Variants in UNC80 observed in about 807,000 individuals in gnomAD.
UNC80 encodes the protein unc-80 subunit of NALCN channel complex.
In UNC80, 164 loss-of-function variants were observed where a neutral mutation model predicts 384.6. The ratio of observed to expected loss-of-function variants is 0.43; its 90% CI spans 0.38 to 0.49. UNC80 has a LOEUF of 0.49. Ranked by LOEUF, UNC80 falls within the 20% of genes least tolerant of loss-of-function variation. The pLI, the probability that UNC80 is intolerant of heterozygous loss-of-function variation, is 0.00. For missense variants in UNC80, 3,330 were observed against 4,143.0 expected (o/e 0.80, Z 5.39); for synonymous variants, 1,486 against 1,527.8 (o/e 0.97, Z 0.64).
intron 6 of UNC80, among the ~76,000 whole-genome samples, chr2:209,790,060 C>G (rs1028646101): frequency 7.9e-5 from 12 of 151,688 alleles, no homozygotes; most frequent in Non-Finnish European, 1.5e-5. Flanking sequence ...TAGTCCTACC[C>G]CTTAAGGAAT....
intron 22 of UNC80, among the ~76,000 whole-genome samples, chr2:209,855,675 T>C (rs1230267323): frequency 6.6e-6 from 1 of 152,190 alleles, no homozygotes. Context: ...CACATTGGTA[T>C]GTGTCTTTAG....
chr2:209,993,112 A>G (rs2093421686), intron 62 of UNC80, among the ~76,000 whole-genome samples: 1 of 152,376 alleles, frequency 6.6e-6, no homozygotes, highest in South Asian at 2.1e-4. Flanking sequence ...CTTGGCATAT[A>G]TAAAGGACTA....
rs1179236349 is a variant in UNC80, at chr2:209,995,818, C to T, written c.*223C>T. The T allele has an allele frequency of 1.9e-6, 1 of 519,798 alleles. No homozygotes were observed. Among genetic ancestry groups the T allele is most frequent in the Non-Finnish European group, 3.4e-6 (1 of 297,690 alleles). 32.2% of individuals were successfully genotyped at this position (519,798 alleles called of 1,614,324 possible). On this transcript the variant is annotated 3_prime_UTR_variant, in exon 65 of 65. Coordinates refer to ENST00000673920, the MANE Select transcript of UNC80 (RefSeq NM_001371986.1). The stretch of plus-strand genomic sequence containing the variant: ...TTTAGTTGTGTGAAAATCACAAAAC[C>T]AGGGAGGAATAAGGGGAAAGAGCCA...
chr2:209,926,700 C>A, intron 35 of UNC80, 143 bp from the exon 36 acceptor site: 1 of 997,092 alleles, frequency 1.0e-6, no homozygotes, highest in Non-Finnish European at 1.5e-6. Context: ...CTCTTGAGCC[C>A]AAGAAGTCGA....
chr2:209,906,963 C>T (rs566982216), intron 29 of UNC80, among the ~76,000 whole-genome samples: 32 of 152,222 alleles, frequency 2.1e-4, no homozygotes, highest in African/African-American at 7.2e-4. Context: ...TTTCTTACTG[C>T]TATATTTTTT....
intron 30 of UNC80, among the ~76,000 whole-genome samples, chr2:209,913,574 G>A (rs1201179675): frequency 6.6e-6 from 1 of 152,002 alleles, no homozygotes; most frequent in Non-Finnish European, 1.5e-5. Context: ...GCAATTTTGT[G>A]GTGAAAACGT....
At chr2:209,795,929 T>C (rs1419590333) in intron 7 of UNC80, 3 of 151,818 alleles carry the variant, frequency 2.0e-5, no homozygotes, top group Admixed American at 2.0e-4. Context: ...CCACACAGAG[T>C]CCCTAATGGA....
chr2:209,829,806 G>A (rs2080819927), intron 15 of UNC80, among the ~76,000 whole-genome samples: 1 of 152,164 alleles, frequency 6.6e-6, no homozygotes, highest in Admixed American at 6.5e-5. Flanking sequence ...TTTTCACAAA[G>A]TAAAATGGGA....
rs944424466 is a variant in UNC80 at position 209,863,332 on chromosome 2, A to C, written c.3628-9426A>C. ...TGTCTTGAGGTTGATCTTCTCATGG[A>C]ATATCTTAATGGTGTTCTCTGTATT... On this transcript the variant is annotated intron_variant, in intron 22 of 64. Coordinates refer to ENST00000673920, the MANE Select transcript of UNC80 (RefSeq NM_001371986.1). Among the ~76,000 whole-genome samples the C allele has an allele frequency of 3.9e-4, 59 of 152,110 alleles. 1 individual carries two copies. Among genetic ancestry groups the C allele is most frequent in the African/African-American group, 1.4e-3 (59 of 41,510 alleles).
intron 60 of UNC80, among the ~76,000 whole-genome samples, chr2:209,983,675 A>C (rs958294029): frequency 6.6e-6 from 1 of 152,210 alleles, no homozygotes; most frequent in African/African-American, 2.4e-5. Flanking sequence ...ATAGAATTGT[A>C]GAAATTTCAT....
intron 58 of UNC80, among the ~76,000 whole-genome samples, chr2:209,977,711 C>T (rs13426959): frequency 0.082 from 12,504 of 152,172 alleles, 1,179 homozygotes; most frequent in African/African-American, 0.23. Flanking sequence ...AGCTGGCAAA[C>T]TAGGAGGTAC....
At chr2:209,802,439 TTA>T (rs2078625209) in intron 7 of UNC80, among the ~76,000 whole-genome samples, 1 of 152,146 alleles carries the variant, frequency 6.6e-6, no homozygotes, top group Admixed American at 6.5e-5. Context: ...ATCCATCAAT[TTA>T]AAACAAAAAT....
At chr2:209,814,274 C>T (rs529205517) in intron 8 of UNC80, among the ~76,000 whole-genome samples, 87 of 151,260 alleles carry the variant, frequency 5.8e-4, no homozygotes, top group Non-Finnish European at 9.4e-4. Context: ...CTCGCTCTGT[C>T]GCCCAGGCTG....
chr2:209,853,386 C>A (rs899749794), intron 22 of UNC80, among the ~76,000 whole-genome samples: 10 of 151,954 alleles, frequency 6.6e-5, no homozygotes, highest in African/African-American at 2.4e-4. Flanking sequence ...GAAAGAAATA[C>A]TAGAAATGTC....
intron 36 of UNC80, among the ~76,000 whole-genome samples, chr2:209,927,763 T>C (rs1022361792): frequency 1.3e-5 from 2 of 152,174 alleles, no homozygotes; most frequent in African/African-American, 4.8e-5. Flanking sequence ...TGTGAAAAGC[T>C]TTTGACACAG....
intron 7 of UNC80, among the ~76,000 whole-genome samples, chr2:209,802,356 AGTTT>A (rs151074079): frequency 0.017 from 2,583 of 152,316 alleles, 68 homozygotes; most frequent in African/African-American, 0.057. Flanking sequence ...TCTGTAACTT[AGTTT>A]GAGTTAATCA....
intron 40 of UNC80, among the ~76,000 whole-genome samples, chr2:209,936,622 G>A (rs2091262456): frequency 6.6e-6 from 1 of 151,628 alleles, no homozygotes; most frequent in Non-Finnish European, 1.5e-5. Context: ...GCCATGGTAT[G>A]TGTGTATATA....
At chr2:209,992,507 C>T (rs777598681) in intron 62 of UNC80, among the ~76,000 whole-genome samples, 2 of 152,178 alleles carry the variant, frequency 1.3e-5, no homozygotes, top group African/African-American at 4.8e-5. Context: ...TGCATTCACC[C>T]TACCTAAAAT....
At chr2:209,973,321 T>C in intron 56 of UNC80, 51 bp downstream of exon 56, 1 of 1,435,738 alleles carries the variant, frequency 7.0e-7, no homozygotes, top group Non-Finnish European at 9.5e-7. Context: ...TATGTATATG[T>C]ATGTGAAAAT....
Sources: gnomAD v4.1 joint callset for allele counts (sites outside exome capture counted in the v4.1 genomes callset) on GRCh38, gnomAD v4.1.1 for gene constraint, MANE v1.5 for transcripts, NCBI Gene and HGNC (gene_info 2026-07-23, HGNC 2026-07-21) for gene names.